LEPROT: variants seen among roughly 807,000 people sequenced by gnomAD.
LEPROT encodes the protein leptin receptor overlapping transcript.
Under a neutral mutation model 15.4 loss-of-function variants are expected in LEPROT, and 3 were observed. The observed-to-expected ratio is 0.19, with a 90% CI of 0.09 to 0.50. The LOEUF (loss-of-function observed/expected upper bound fraction) is 0.50, where lower values mean the gene tolerates loss of function less well. Ranked by LOEUF, LEPROT falls within the 20% of genes least tolerant of loss-of-function variation. The pLI is 0.97. For missense variants in LEPROT, 137 were observed against 162.2 expected, an observed-to-expected ratio of 0.84 and a Z score of 0.84; for synonymous variants, 59 against 57.5, an observed-to-expected ratio of 1.03 and a Z score of -0.12.
In LEPROT at chr1:65,432,811, A is replaced by C. The variant is rs531788382; in HGVS notation, c.*892A>C. On this transcript the variant is annotated 3_prime_UTR_variant, in exon 4 of 4. Transcript: ENST00000371065. ...AATATTGCTAAGAGAGTAAATTTCTAATGTTCTCATAAAAAAGTTAAATAT... is the reference window on the plus strand; with the variant it reads ...AATATTGCTAAGAGAGTAAATTTCTCATGTTCTCATAAAAAAGTTAAATAT... 1 of 549,146 alleles carries C rather than the reference A, an allele frequency of 1.8e-6. No individual in the cohort carries two copies. The highest frequency in any genetic ancestry group is 2.3e-6 in the Non-Finnish European group (1 of 431,844). The allele number at this position is 549,146 out of a possible 1,614,324, so 34.0% of individuals were successfully genotyped here. A position where few individuals can be genotyped will look rare whatever the true frequency, so the allele number is the denominator to read the frequency against.
Position 65,434,572 on chromosome 1 carries a change from A to T in LEPROT, c.*2653A>T. On this transcript the variant is annotated 3_prime_UTR_variant, in exon 4 of 4. Coordinates refer to ENST00000371065, the MANE Select transcript of LEPROT (RefSeq NM_017526.5). ...TCAACTCTAATATACCTAACCTGTG[A>T]TACTGAAGGTGCCTGCCTGAGTTTT... 1 of 985,428 alleles carries T rather than the reference A, an allele frequency of 1.0e-6. No homozygotes were observed. Among genetic ancestry groups the T allele is most frequent in the Non-Finnish European group, 1.2e-6 (1 of 829,936 alleles). 61.0% of individuals were successfully genotyped at this position (985,428 alleles called of 1,614,324 possible). A position where few individuals can be genotyped will look rare whatever the true frequency, so the allele number is the denominator to read the frequency against.
intron 1 of LEPROT, chr1:65,421,312 C>T: frequency 6.6e-7 from 1 of 1,512,310 alleles, no homozygotes; most frequent in African/African-American, 1.4e-5. Flanking sequence ...TCGGTGTTTT[C>T]TCTGTTTATG....
rs145071789 is a variant in LEPROT at position 65,428,554 on chromosome 1, G to A, written c.93-1308G>A. Among the ~76,000 whole-genome samples the A allele has an allele frequency of 6.8e-4, 104 of 152,220 alleles. No homozygotes were observed. The Middle Eastern group carries it at 0.01, about 15-fold the overall frequency. On this transcript the variant is annotated intron_variant, in intron 2 of 3. Coordinates refer to ENST00000371065, the MANE Select transcript of LEPROT (RefSeq NM_017526.5). The stretch of plus-strand genomic sequence containing the variant: ...GTTTCCATCCTGAGTCCTCTTGAAG[G>A]ACACATTCCCTTCTTGCCTTTTGGT...
At chr1:65,422,522 C>A (rs968905136) in intron 1 of LEPROT, among the ~76,000 whole-genome samples, 1 of 152,098 alleles carries the variant, frequency 6.6e-6, no homozygotes, top group South Asian at 2.1e-4. Flanking sequence ...TAACGGCAGC[C>A]CTAGGAAGCT....
Position 65,432,563 on chromosome 1 carries a change from GT to G in LEPROT, c.*647del. ...CTCTCTGGGTGTTACCTGCTCATTT[GT>G]TTAAAAAAAAAAAAAAAGTCTCACC... On this transcript the variant is annotated 3_prime_UTR_variant, in exon 4 of 4. Coordinates refer to ENST00000371065, the MANE Select transcript of LEPROT (RefSeq NM_017526.5). 2.4e-6 allele frequency: 2 copies of G among 830,152 alleles called. No individual in the cohort carries two copies. The highest frequency in any genetic ancestry group is 1.2e-4 in the East Asian group (1 of 8,028). 51.4% of individuals were successfully genotyped at this position (830,152 alleles called of 1,614,324 possible). A position where few individuals can be genotyped will look rare whatever the true frequency, so the allele number is the denominator to read the frequency against.
Position 65,433,908 on chromosome 1 carries a change from C to T in LEPROT, c.*1989C>T. On this transcript the variant is annotated 3_prime_UTR_variant, in exon 4 of 4. Coordinates refer to ENST00000371065, the MANE Select transcript of LEPROT (RefSeq NM_017526.5). ...AAAATGGGCAGTTTTGAGCAATAAT[C>T]TGTCCTAACAGAACAGTAGCAATAA... The T allele has an allele frequency of 1.0e-6, 1 of 985,124 alleles. No homozygotes were observed. 61.0% of individuals were successfully genotyped at this position (985,124 alleles called of 1,614,324 possible). A position where few individuals can be genotyped will look rare whatever the true frequency, so the allele number is the denominator to read the frequency against.
chr1:65,426,557 G>A (rs1461335932), intron 2 of LEPROT, among the ~76,000 whole-genome samples: 1 of 152,068 alleles, frequency 6.6e-6, no homozygotes. Flanking sequence ...CAAAATTGAG[G>A]GCTGGGGCAG....
rs1646492113 is a variant in LEPROT at position 65,431,996 on chromosome 1, A to G, written c.*77A>G. The G allele has an allele frequency of 4.7e-6, 7 of 1,492,140 alleles. No individual in the cohort carries two copies. The highest frequency in any genetic ancestry group is 2.4e-5 in the East Asian group (1 of 41,702). 92.4% of individuals were successfully genotyped at this position (1,492,140 alleles called of 1,614,324 possible). A position where few individuals can be genotyped will look rare whatever the true frequency, so the allele number is the denominator to read the frequency against. ...TATACATGTGCACATGCGGCATTTT[A>G]CTATGAAATTTAATATGCTGGGTTT... is the stretch of plus-strand genomic sequence containing the variant. On this transcript the variant is annotated 3_prime_UTR_variant, in exon 4 of 4. Coordinates refer to ENST00000371065, the MANE Select transcript of LEPROT (RefSeq NM_017526.5).
chr1:65,431,887 AGAG>A lies in LEPROT; in HGVS notation c.368_370del (p.Gly123del), dbSNP rs759307387. 1 of 1,614,040 alleles carries A rather than the reference AGAG, an allele frequency of 6.2e-7. No individual in the cohort carries two copies. The highest frequency in any genetic ancestry group is 8.5e-7 in the Non-Finnish European group (1 of 1,179,976). On this transcript the variant is annotated inframe_deletion, in exon 4 of 4. Coordinates refer to ENST00000371065, the MANE Select transcript of LEPROT (RefSeq NM_017526.5). Reference sequence around the variant, plus strand: ...TCAAGGGTTTTTCCTTATATTTGGAAGAGGAGATGATTTTAGCTGGGAGCAGTG... The same window carrying A: ...TCAAGGGTTTTTCCTTATATTTGGAAGAGATGATTTTAGCTGGGAGCAGTG...
intron 1 of LEPROT, among the ~76,000 whole-genome samples, chr1:65,422,395 C>T (rs1646268771): frequency 6.6e-6 from 1 of 152,154 alleles, no homozygotes; most frequent in Non-Finnish European, 1.5e-5. Context: ...TGCTTCCCTA[C>T]AGCCTTCAGA....
Position 65,431,822 on chromosome 1 carries a change from G to C in LEPROT, c.299G>C (p.Gly100Ala), listed in dbSNP as rs1481189782. Residue 100 changes from glycine to alanine, a missense_variant, in exon 4 of 4, where the codon GGC becomes GCC. Physicochemically the swap from Gly to Ala is moderately conservative, Grantham distance 60. Transcript: ENST00000371065. ...RVAVIKWGAC[G>A]LVLAGNAVIF... is the part of the protein sequence containing the mutation. ...TTTCAGATCAAATGGGGAGCCTGCG[G>C]CCTTGTGTTGGCAGGCAATGCAGTC... 1.2e-6 allele frequency: 2 copies of C among 1,613,660 alleles called. No individual in the cohort carries two copies. The highest frequency in any genetic ancestry group is 1.7e-6 in the Non-Finnish European group (2 of 1,179,862).
At position 65,435,024 on chromosome 1, in the gene LEPROT, C is replaced by T. The variant is rs543173662; in HGVS notation, c.*3105C>T. 1,002 of 985,466 alleles carry T rather than the reference C, an allele frequency of 1.0e-3. 26 individuals carry two copies. The South Asian group carries it at 0.042, about 42-fold the overall frequency. The allele number at this position is 985,466 out of a possible 1,614,324, so 61.0% of individuals were successfully genotyped here. A position where few individuals can be genotyped will look rare whatever the true frequency, so the allele number is the denominator to read the frequency against. On this transcript the variant is annotated 3_prime_UTR_variant, in exon 4 of 4. Transcript: ENST00000371065. ...GCACCTGCGTTTTTAGAGAATGCCT[C>T]ATAACCCACTGATTCTCATTCACAG...
intron 1 of LEPROT, chr1:65,421,445 G>A: frequency 6.5e-7 from 1 of 1,536,090 alleles, no homozygotes; most frequent in Non-Finnish European, 8.7e-7. Flanking sequence ...TTTTTGCAAG[G>A]CTTCCTGTAT....
chr1:65,426,021 C>T lies in LEPROT; in HGVS notation c.92+643C>T, dbSNP rs115284652. ...AGAGTTTGTGTTTCAGTGGGGGAGA[C>T]GGACAGTAAACAACAAAAGTATGCA... is the stretch of plus-strand genomic sequence containing the variant. On this transcript the variant is annotated intron_variant, in intron 2 of 3. Coordinates refer to ENST00000371065, the MANE Select transcript of LEPROT (RefSeq NM_017526.5). Among the ~76,000 whole-genome samples the T allele has an allele frequency of 5.3e-5, 8 of 152,052 alleles. No homozygotes were observed. In the South Asian group the frequency reaches 6.2e-4, roughly 12 times the overall value.
In LEPROT at chr1:65,431,714, G is replaced by T; in HGVS notation, c.280-89G>T. On this transcript the variant is annotated intron_variant, in intron 3 of 3. Coordinates refer to ENST00000371065, the MANE Select transcript of LEPROT (RefSeq NM_017526.5). ...TAGCAGCTTTGTGTAACATTTCATT[G>T]GATGTTTCTAATGCAGAAAATAATA... The T allele has an allele frequency of 3.0e-6, 4 of 1,336,024 alleles. No homozygotes were observed. The East Asian group carries it at 7.0e-5, about 23-fold the overall frequency. 82.8% of individuals were successfully genotyped at this position (1,336,024 alleles called of 1,614,324 possible). A position where few individuals can be genotyped will look rare whatever the true frequency, so the allele number is the denominator to read the frequency against.
chr1:65,433,479 T>C lies in LEPROT; in HGVS notation c.*1560T>C, dbSNP rs1285737309. The C allele has an allele frequency of 1.0e-6, 1 of 985,296 alleles. No individual in the cohort carries two copies. The highest frequency in any genetic ancestry group is 1.2e-6 in the Non-Finnish European group (1 of 829,894). The allele number at this position is 985,296 out of a possible 1,614,324, so 61.0% of individuals were successfully genotyped here. A position where few individuals can be genotyped will look rare whatever the true frequency, so the allele number is the denominator to read the frequency against. ...AACCATTTGATCAGAATACAACCAA[T>C]AGTCTTTAAGCATTGTTAAAGTATG... On this transcript the variant is annotated 3_prime_UTR_variant, in exon 4 of 4. Transcript: ENST00000371065.
rs1438579964 is a variant in LEPROT, at chr1:65,433,761, A to C, written c.*1842A>C. On this transcript the variant is annotated 3_prime_UTR_variant, in exon 4 of 4. Coordinates refer to ENST00000371065, the MANE Select transcript of LEPROT (RefSeq NM_017526.5). ...TTTAACCGGCATTTTTAATAATGACACTTGCATTTATTGTATTGTAATAAA... is the reference window on the plus strand; with the variant it reads ...TTTAACCGGCATTTTTAATAATGACCCTTGCATTTATTGTATTGTAATAAA... 1 of 920,446 alleles carries C rather than the reference A, an allele frequency of 1.1e-6. No individual in the cohort carries two copies. Among genetic ancestry groups the C allele is most frequent in the African/African-American group, 1.8e-5 (1 of 55,748 alleles). The allele number at this position is 920,446 out of a possible 1,614,324, so 57.0% of individuals were successfully genotyped here.
chr1:65,424,214 A>T (rs1646312861), intron 1 of LEPROT, among the ~76,000 whole-genome samples: 1 of 152,224 alleles, frequency 6.6e-6, no homozygotes, highest in South Asian at 2.1e-4. Context: ...AGATACAGGG[A>T]ATACATATTT....
intron 2 of LEPROT, among the ~76,000 whole-genome samples, chr1:65,429,231 C>G (rs1646437227): frequency 6.6e-6 from 1 of 152,020 alleles, no homozygotes; most frequent in Admixed American, 6.6e-5. Flanking sequence ...AAGGAGTCAG[C>G]CAATGAGAAG....
Sources: gnomAD v4.1 joint callset for allele counts (sites outside exome capture counted in the v4.1 genomes callset) on GRCh38, gnomAD v4.1.1 for gene constraint, MANE v1.5 for transcripts, NCBI Gene and HGNC (gene_info 2026-07-23, HGNC 2026-07-21) for gene names.